The following BCAT1 variants were observed in gnomAD, a reference collection of about 807,000 sequenced individuals.
The protein encoded by BCAT1 is branched chain amino acid transaminase 1, also known as branched-chain-amino-acid aminotransferase, cytosolic.
Under a neutral mutation model 52.4 loss-of-function variants are expected in BCAT1, and 48 were observed. The observed-to-expected ratio is 0.92, with a 90% CI of 0.73 to 1.16. The LOEUF (loss-of-function observed/expected upper bound fraction) is 1.16. Ranked by LOEUF, BCAT1 falls within the 50% of genes most tolerant of loss-of-function variation. BCAT1 has a pLI of 0.00. For synonymous variants in BCAT1, 167 were observed against 161.3 expected (o/e 1.04, Z -0.27); for missense variants, 451 against 457.1 (o/e 0.99, Z 0.12).
chr12:24,890,954 C>A (rs2139640940), intron 3 of BCAT1, among the ~76,000 whole-genome samples: 1 of 152,120 alleles, frequency 6.6e-6, no homozygotes, highest in East Asian at 1.9e-4. Context: ...TTGGAGGACA[C>A]CCAGCTGGGG....
intron 10 of BCAT1, among the ~76,000 whole-genome samples, chr12:24,827,181 C>T (rs1444694397): frequency 2.0e-5 from 3 of 152,120 alleles, no homozygotes; most frequent in African/African-American, 4.8e-5. Context: ...TGGAAAAAGG[C>T]TTTCATGTAA....
chr12:24,841,070 T>TA (rs895469764), intron 7 of BCAT1, among the ~76,000 whole-genome samples: 15 of 150,772 alleles, frequency 9.9e-5, no homozygotes, highest in South Asian at 8.4e-4. Flanking sequence ...TGCCAACTAA[T>TA]AAAAAAAAAC....
intron 1 of BCAT1, among the ~76,000 whole-genome samples, chr12:24,916,179 C>G (rs1318185485): frequency 6.6e-6 from 1 of 152,108 alleles, no homozygotes; most frequent in Non-Finnish European, 1.5e-5. Context: ...ACTCTTGAAG[C>G]AATGAAGCCA....
intron 1 of BCAT1, among the ~76,000 whole-genome samples, chr12:24,939,889 C>T (rs965327537): frequency 6.1e-4 from 93 of 152,172 alleles, no homozygotes; most frequent in African/African-American, 2.2e-3. Flanking sequence ...ACCAGTATTT[C>T]AGATTTTCTT....
chr12:24,910,497 C>A (rs2139700626), intron 1 of BCAT1, among the ~76,000 whole-genome samples: 1 of 152,190 alleles, frequency 6.6e-6, no homozygotes, highest in East Asian at 1.9e-4. Context: ...GCATGCAAAC[C>A]TAACATGCTT....
intron 1 of BCAT1, among the ~76,000 whole-genome samples, chr12:24,924,967 C>T (rs146047542): frequency 1.0e-3 from 158 of 152,228 alleles, no homozygotes; most frequent in African/African-American, 2.6e-3. Context: ...TGATAAATGA[C>T]GGATTCAAAA....
chr12:24,872,188 A>G (rs930654528), intron 5 of BCAT1, among the ~76,000 whole-genome samples: 1 of 152,230 alleles, frequency 6.6e-6, no homozygotes, highest in African/African-American at 2.4e-5. Context: ...AATTGATATG[A>G]TTACAGGCTG....
intron 4 of BCAT1, 108 bp downstream of exon 4, chr12:24,881,193 G>T: frequency 3.7e-6 from 3 of 802,174 alleles, no homozygotes; most frequent in Non-Finnish European, 5.9e-6. Flanking sequence ...TGTTCATATG[G>T]TTTGTACTGA....
intron 1 of BCAT1, among the ~76,000 whole-genome samples, chr12:24,913,057 GTT>G (rs1943355565): frequency 6.6e-6 from 1 of 152,072 alleles, no homozygotes; most frequent in African/African-American, 2.4e-5. Context: ...TTTTTGTTTT[GTT>G]TTGTTTGTTT....
chr12:24,869,859 T>C (rs1942131921), intron 5 of BCAT1, among the ~76,000 whole-genome samples: 1 of 152,220 alleles, frequency 6.6e-6, no homozygotes. Flanking sequence ...TTCACTCTTT[T>C]CTTTAAATTG....
rs773381437 is a variant in BCAT1, at chr12:24,814,266, T to G, written c.*3742A>C. Reference sequence around the variant, plus strand: ...TGAAATAAGGGATTTCTCTAACCCTTAACTCTTCTGCCGGCTTACTTGGTA... The same window carrying G: ...TGAAATAAGGGATTTCTCTAACCCTGAACTCTTCTGCCGGCTTACTTGGTA... On this transcript the variant is annotated 3_prime_UTR_variant, in exon 11 of 11. Transcript: ENST00000261192. The G allele has an allele frequency of 6.6e-5, 10 of 152,104 alleles. No individual in the cohort carries two copies. Among genetic ancestry groups the G allele is most frequent in the Non-Finnish European group, 1.3e-4 (9 of 67,966 alleles). 9.4% of individuals were successfully genotyped at this position (152,104 alleles called of 1,614,324 possible).
At chr12:24,831,664 A>C (rs1049838736) in intron 9 of BCAT1, among the ~76,000 whole-genome samples, 1 of 152,144 alleles carries the variant, frequency 6.6e-6, no homozygotes, top group Non-Finnish European at 1.5e-5. Context: ...ACAAACAAAC[A>C]AAAAAAGTTG....
intron 6 of BCAT1, among the ~76,000 whole-genome samples, chr12:24,844,694 G>A (rs984288971): frequency 3.3e-5 from 5 of 150,436 alleles, no homozygotes; most frequent in Admixed American, 2.0e-4. Flanking sequence ...TCAGGAGATT[G>A]AGACCATCCT....
chr12:24,925,151 G>A lies in BCAT1; in HGVS notation c.7-23266C>T, dbSNP rs116466659. 7.1e-3 allele frequency among the ~76,000 whole-genome samples: 1,081 copies of A among 152,294 alleles called. 9 individuals carry two copies. Among genetic ancestry groups the A allele is most frequent in the African/African-American group, 0.024 (1,010 of 41,552 alleles). ...TTTAAATCAGCAGACTTTGAGTAAA[G>A]CAGATTGCCCTCAATGTGGGAGGGC... On this transcript the variant is annotated intron_variant, in intron 1 of 10. Coordinates refer to ENST00000261192, the MANE Select transcript of BCAT1 (RefSeq NM_005504.7).
chr12:24,916,002 AC>A (rs71063371), intron 1 of BCAT1, among the ~76,000 whole-genome samples: 73,117 of 151,808 alleles, frequency 0.48, 21,087 homozygotes, highest in Non-Finnish European at 0.67. Flanking sequence ...TACCAAAAAT[AC>A]AAAAAATTAG....
intron 5 of BCAT1, among the ~76,000 whole-genome samples, chr12:24,857,098 C>T (rs984862047): frequency 7.2e-5 from 11 of 152,196 alleles, no homozygotes; most frequent in Non-Finnish European, 1.6e-4. Context: ...GTAACTAAGG[C>T]TTTGCTATTT....
chr12:24,906,517 G>A (rs184033841), intron 1 of BCAT1, among the ~76,000 whole-genome samples: 26 of 152,238 alleles, frequency 1.7e-4, no homozygotes, highest in Admixed American at 9.8e-4. Context: ...AGTTTTCTCC[G>A]CTGTAAAATG....
intron 5 of BCAT1, among the ~76,000 whole-genome samples, chr12:24,857,478 TTATC>T (rs372477265): frequency 2.0e-5 from 3 of 152,142 alleles, no homozygotes; most frequent in African/African-American, 7.2e-5. Flanking sequence ...ATGTCCAAGA[TTATC>T]TATCTATCTA....
At chr12:24,921,069 G>A (rs1013178848) in intron 1 of BCAT1, among the ~76,000 whole-genome samples, 4 of 152,018 alleles carry the variant, frequency 2.6e-5, no homozygotes, top group African/African-American at 9.7e-5. Context: ...GTTCAGCACA[G>A]GAGGCTCACG....
Sources: allele counts gnomAD v4.1 joint callset (sites outside exome capture counted in the v4.1 genomes callset), GRCh38; gene constraint gnomAD v4.1.1; transcripts MANE v1.5; gene names NCBI Gene and HGNC (gene_info 2026-07-23, HGNC 2026-07-21).